CDH13: variants seen among roughly 807,000 people sequenced by gnomAD.
CDH13 encodes cadherin-13.
A neutral mutation model predicts 63.8 loss-of-function variants in CDH13; 24 were observed. The observed-to-expected ratio is 0.38, with a 90% confidence interval of 0.27 to 0.53. The LOEUF (loss-of-function observed/expected upper bound fraction) is 0.53, where lower values mean the gene tolerates loss of function less well. CDH13 is among the 20% of genes least tolerant of loss of function. The probability of loss-of-function intolerance (pLI) is 0.85; values close to 1 mark genes in which losing one functional copy is unlikely to be tolerated. For missense variants in CDH13, 1,049 were observed against 903.1 expected (o/e 1.16, Z -2.07); for synonymous variants, 503 against 355.3 (o/e 1.42, Z -4.67).
chr16:83,710,407 G>GA lies in CDH13; in HGVS notation c.1538+31950dup, dbSNP rs370650164. 102 of 152,332 alleles carry GA rather than the reference G, an allele frequency of 6.7e-4. 2 individuals are homozygous for GA. The highest frequency in any genetic ancestry group is 6.8e-3 in the Middle Eastern group (2 of 294). The allele number at this position is 152,332 out of a possible 1,614,324, so 9.4% of individuals were successfully genotyped here. A position where few individuals can be genotyped will look rare whatever the true frequency, so the allele number is the denominator to read the frequency against. ...GGGCAAAAGTGCCTTATGACTGCTA[G>GA]AAAAGCTAAGAGCATCTCAAAGTTC... On this transcript the variant is annotated intron_variant, in intron 10 of 13. Coordinates refer to ENST00000567109, the MANE Select transcript of CDH13 (RefSeq NM_001257.5).
chr16:82,663,615 C>T (rs1260891485), intron 1 of CDH13, among the ~76,000 whole-genome samples: 2 of 152,216 alleles, frequency 1.3e-5, no homozygotes, highest in East Asian at 1.9e-4. Flanking sequence ...AGTTCAAAAG[C>T]ATCTTGCTTT....
rs575039363 is a variant in CDH13 at position 83,402,048 on chromosome 16, T to C, written c.781+57042T>C. On this transcript the variant is annotated intron_variant, in intron 6 of 13. Transcript: ENST00000567109. The stretch of plus-strand genomic sequence containing the variant: ...TGTAGATGTTGCTATCTTTTTTCTT[T>C]CTCATTGTATACTTCCTTGTAGAGT... Among the ~76,000 whole-genome samples, 6 of 149,934 alleles carry C rather than the reference T, an allele frequency of 4.0e-5. No homozygotes were observed. The East Asian group carries it at 1.2e-3, about 30-fold the overall frequency.
intron 10 of CDH13, among the ~76,000 whole-genome samples, chr16:83,730,237 T>C (rs1441082282): frequency 6.6e-6 from 1 of 152,218 alleles, no homozygotes; most frequent in African/African-American, 2.4e-5. Context: ...CTATGCATTA[T>C]TCTAAGGCCC....
chr16:83,378,508 T>C (rs1013465), intron 6 of CDH13, among the ~76,000 whole-genome samples: 3 of 151,958 alleles, frequency 2.0e-5, no homozygotes, highest in Non-Finnish European at 4.4e-5. Context: ...AGGGGTCCCC[T>C]TCAGTTGGAT....
chr16:83,511,424 T>C (rs1038798242), intron 7 of CDH13, among the ~76,000 whole-genome samples: 1 of 151,292 alleles, frequency 6.6e-6, no homozygotes, highest in Admixed American at 6.6e-5. Flanking sequence ...ATCACGCCAC[T>C]GCACAGCAGC....
At chr16:82,680,950 C>G (rs747960470) in intron 1 of CDH13, among the ~76,000 whole-genome samples, 1 of 152,124 alleles carries the variant, frequency 6.6e-6, no homozygotes, top group East Asian at 1.9e-4. Context: ...AGTGGAAAGC[C>G]AGAGAAGAAA....
intron 3 of CDH13, among the ~76,000 whole-genome samples, chr16:83,094,630 C>T (rs139868830): frequency 1.3e-5 from 2 of 152,306 alleles, no homozygotes; most frequent in East Asian, 3.9e-4. Context: ...CCTCCAACTT[C>T]CCAGTGGCTG....
chr16:82,951,267 C>G (rs1048373222), intron 2 of CDH13, among the ~76,000 whole-genome samples: 7 of 152,166 alleles, frequency 4.6e-5, no homozygotes, highest in African/African-American at 7.2e-5. Flanking sequence ...CCATCCCAAT[C>G]TCTGGAGAGG....
intron 7 of CDH13, among the ~76,000 whole-genome samples, chr16:83,564,132 A>G (rs1229263001): frequency 6.6e-6 from 1 of 152,200 alleles, no homozygotes; most frequent in Non-Finnish European, 1.5e-5. Flanking sequence ...AACATCTGAG[A>G]GGCACTACTA....
chr16:83,125,216 T>C (rs1025665714), intron 3 of CDH13, among the ~76,000 whole-genome samples, 169 bp from the exon 4 acceptor site: 3 of 152,218 alleles, frequency 2.0e-5, no homozygotes, highest in African/African-American at 7.2e-5. Flanking sequence ...ATGTCAGCTT[T>C]AGTATTATTC....
chr16:83,429,332 A>G (rs1004495123), intron 6 of CDH13, among the ~76,000 whole-genome samples: 44 of 152,088 alleles, frequency 2.9e-4, no homozygotes, highest in Non-Finnish European at 5.0e-4. Flanking sequence ...GGTACAGGGG[A>G]CTTATGCAAA....
chr16:83,564,026 A>C (rs182949259), intron 7 of CDH13, among the ~76,000 whole-genome samples: 1 of 152,312 alleles, frequency 6.6e-6, no homozygotes, highest in Non-Finnish European at 1.5e-5. Flanking sequence ...CAAAATGGGG[A>C]TGTAGTACCT....
At chr16:83,514,222 C>G (rs1256177649) in intron 7 of CDH13, among the ~76,000 whole-genome samples, 1 of 152,216 alleles carries the variant, frequency 6.6e-6, no homozygotes, top group Non-Finnish European at 1.5e-5. Flanking sequence ...ACTAGGTTGA[C>G]TAGGGTCCTC....
chr16:83,458,966 A>G (rs2073097995), intron 6 of CDH13, among the ~76,000 whole-genome samples: 1 of 152,244 alleles, frequency 6.6e-6, no homozygotes, highest in African/African-American at 2.4e-5. Context: ...TTTACAGATG[A>G]TGAAACGACA....
Position 83,596,090 on chromosome 16 carries a change from G to C in CDH13, c.961-6364G>C, listed in dbSNP as rs540533171. ...CTGAGCCTTGAACCAAAGAAACACA[G>C]AATCAGGTGAGGCCCAGGGAGAATA... On this transcript the variant is annotated intron_variant, in intron 7 of 13. Coordinates refer to ENST00000567109, the MANE Select transcript of CDH13 (RefSeq NM_001257.5). Among the ~76,000 whole-genome samples, 4 of 152,320 alleles carry C rather than the reference G, an allele frequency of 2.6e-5. No homozygotes were observed. The East Asian group carries it at 7.7e-4, about 29-fold the overall frequency.
chr16:83,597,140 T>C (rs1907339075), intron 7 of CDH13, among the ~76,000 whole-genome samples: 3 of 152,100 alleles, frequency 2.0e-5, no homozygotes, highest in South Asian at 4.1e-4. Flanking sequence ...GGAGGATCTC[T>C]TGAGCCTGGG....
At chr16:82,834,926 A>C (rs1353599981) in intron 1 of CDH13, among the ~76,000 whole-genome samples, 7 of 152,206 alleles carry the variant, frequency 4.6e-5, no homozygotes. Flanking sequence ...CTCTTGGCCC[A>C]CAAAACCTAA....
intron 1 of CDH13, among the ~76,000 whole-genome samples, chr16:82,803,050 C>G (rs905167491): frequency 2.0e-5 from 3 of 152,162 alleles, no homozygotes; most frequent in Non-Finnish European, 2.9e-5. Flanking sequence ...AGAAACAGTG[C>G]CAGGCCATGG....
chr16:83,328,178 G>A (rs1258822223), intron 5 of CDH13, among the ~76,000 whole-genome samples: 2 of 151,780 alleles, frequency 1.3e-5, no homozygotes. Flanking sequence ...GTGCACAAGT[G>A]AAAGAAAAGA....
Sources: gnomAD v4.1 joint callset for allele counts (sites outside exome capture counted in the v4.1 genomes callset) on GRCh38, gnomAD v4.1.1 for gene constraint, MANE v1.5 for transcripts, NCBI Gene and HGNC (gene_info 2026-07-23, HGNC 2026-07-21) for gene names.